TBC1D16: variants seen among roughly 807,000 people sequenced by gnomAD.
TBC1D16 encodes CTD-2529O21.1.
TBC1D16 carries 58 observed loss-of-function variants against 74.7 expected under a neutral mutation model. The ratio of observed to expected loss-of-function variants is 0.78; its 90% CI spans 0.63 to 0.97. TBC1D16 has a LOEUF of 0.97. Ranked by LOEUF, TBC1D16 falls within the 50% of genes least tolerant of loss-of-function variation. The pLI is 0.00. For missense variants in TBC1D16, 1,014 were observed against 1,079.5 expected (o/e 0.94, Z 0.85); for synonymous variants, 493 against 474.7 (o/e 1.04, Z -0.50).
At chr17:80,021,641 A>C (rs1164035576) in intron 1 of TBC1D16, among the ~76,000 whole-genome samples, 1 of 149,108 alleles carries the variant, frequency 6.7e-6, no homozygotes, top group Non-Finnish European at 1.5e-5. Flanking sequence ...CACACCATAG[A>C]TACATACATC....
In TBC1D16 at chr17:79,932,976, G is replaced by A. The variant is rs1159977155; in HGVS notation, c.*7883C>T. On this transcript the variant is annotated 3_prime_UTR_variant, in exon 12 of 12. Coordinates refer to ENST00000310924, the MANE Select transcript of TBC1D16 (RefSeq NM_019020.4). ...AGACTTATTTTCCTAGTCAGAGACT[G>A]AATGGCATATTTTCAAAGCACTTCG... is the stretch of plus-strand genomic sequence containing the variant. 1 of 152,212 alleles carries A rather than the reference G, an allele frequency of 6.6e-6. No homozygotes were observed. Among genetic ancestry groups the A allele is most frequent in the Non-Finnish European group, 1.5e-5 (1 of 68,054 alleles). 9.4% of individuals were successfully genotyped at this position (152,212 alleles called of 1,614,324 possible).
chr17:80,008,233 C>T lies in TBC1D16; in HGVS notation c.779+1927G>A, dbSNP rs553351492. Among the ~76,000 whole-genome samples, 2 of 152,146 alleles carry T rather than the reference C, an allele frequency of 1.3e-5. No homozygotes were observed. The highest frequency in any genetic ancestry group is 4.8e-5 in the African/African-American group (2 of 41,472). ...AACCGGGGTGCATTCTCACAATACC[C>T]CCAGAAAGTGGATATTACCAGCCTC... On this transcript the variant is annotated intron_variant, in intron 3 of 11. Transcript: ENST00000310924. The surrounding 1 kb of genome is among the most constrained non-coding windows in gnomAD (Gnocchi z 4.5).
rs542678106 is a variant in TBC1D16 at position 80,013,756 on chromosome 17, G to A, written c.-62-147C>T. On this transcript the variant is annotated intron_variant, in intron 1 of 11. Coordinates refer to ENST00000310924, the MANE Select transcript of TBC1D16 (RefSeq NM_019020.4). ...AACAGCTCTGTACAGGGTAGGCCAC[G>A]TTCTCCATCTTGGCCAGGCCACCCT... The A allele has an allele frequency of 8.4e-4, 399 of 474,926 alleles. 1 individual carries two copies. The highest frequency in any genetic ancestry group is 2.7e-3 in the Middle Eastern group (5 of 1,840). The allele number at this position is 474,926 out of a possible 1,614,324, so 29.4% of individuals were successfully genotyped here. A position where few individuals can be genotyped will look rare whatever the true frequency, so the allele number is the denominator to read the frequency against.
intron 4 of TBC1D16, chr17:79,952,332 C>T (rs941338477): frequency 6.0e-5 from 15 of 248,190 alleles, no homozygotes; most frequent in Admixed American, 3.1e-4. Flanking sequence ...GAGCATCCCC[C>T]GGCGATCAGA....
intron 1 of TBC1D16, among the ~76,000 whole-genome samples, chr17:80,025,054 C>T (rs2036509171): frequency 1.7e-5 from 2 of 117,700 alleles, no homozygotes; most frequent in Non-Finnish European, 1.8e-5. Flanking sequence ...CACAACCAGG[C>T]ACACACACTA....
In TBC1D16 at chr17:80,008,730, A is replaced by C. The variant is rs909626028; in HGVS notation, c.779+1430T>G. On this transcript the variant is annotated intron_variant, in intron 3 of 11. Transcript: ENST00000310924. This position sits in a 1 kb window ranked among gnomAD's most constrained non-coding sequence, Gnocchi z 4.5. ...CACCTGGAGTCCTCAGTTACGGCTC[A>C]CGGCTTCCTTTTATCTGCACTCTCC... Among the ~76,000 whole-genome samples, 26 of 152,284 alleles carry C rather than the reference A, an allele frequency of 1.7e-4. No homozygotes were observed. The highest frequency in any genetic ancestry group is 6.0e-4 in the African/African-American group (25 of 41,560).
chr17:80,024,429 T>TAAGCACACACACCACACACACCATAGAC (rs2036424697), intron 1 of TBC1D16, among the ~76,000 whole-genome samples: 1 of 110,634 alleles, frequency 9.0e-6, no homozygotes, highest in Non-Finnish European at 1.9e-5. Context: ...ACACACACAC[T>TAAGCACACACACCACACACACCATAGAC]ACACATCATA....
chr17:79,966,568 T>A (rs1422404156), intron 3 of TBC1D16, among the ~76,000 whole-genome samples: 1 of 152,138 alleles, frequency 6.6e-6, no homozygotes, highest in Non-Finnish European at 1.5e-5. Flanking sequence ...TTCCTCCAGG[T>A]TGCTTCCCTT....
chr17:79,961,464 C>G lies in TBC1D16; in HGVS notation c.780-8646G>C, dbSNP rs2033612830. ...AATTTCTTAAAAATTAAACACATGC[C>G]TGTTTCCAGTTATTCCATTCCCAAG... On this transcript the variant is annotated intron_variant, in intron 3 of 11. Transcript: ENST00000310924. This position sits in a 1 kb window ranked among gnomAD's most constrained non-coding sequence, Gnocchi z 4.8. Among the ~76,000 whole-genome samples, 2 of 152,212 alleles carry G rather than the reference C, an allele frequency of 1.3e-5. No individual in the cohort carries two copies. The highest frequency in any genetic ancestry group is 2.9e-5 in the Non-Finnish European group (2 of 68,024).
At chr17:80,030,104 C>A (rs2036724005) in intron 1 of TBC1D16, among the ~76,000 whole-genome samples, 1 of 152,150 alleles carries the variant, frequency 6.6e-6, no homozygotes, top group Admixed American at 6.6e-5. Context: ...GCTGAGCAAC[C>A]TTAATTCCAT....
chr17:79,949,676 C>T (rs2032875972), intron 7 of TBC1D16, 41 bp downstream of exon 7: 1 of 1,581,438 alleles, frequency 6.3e-7, no homozygotes, highest in Non-Finnish European at 8.6e-7. Context: ...CATTTTCCTC[C>T]GCGGCTCGGC....
chr17:80,025,120 GACACACACACACCATAGGCACACACA>G (rs2036524294), intron 1 of TBC1D16, among the ~76,000 whole-genome samples: 1 of 78,360 alleles, frequency 1.3e-5, no homozygotes. Context: ...AAACACCACA[GACACACACACACCATAGGCACACACA>G]AACACACCAG....
rs1257822791 is a variant in TBC1D16 at position 79,934,099 on chromosome 17, G to A, written c.*6760C>T. The stretch of plus-strand genomic sequence containing the variant: ...GGACAACAGAGAGCCGGGCCTGCCC[G>A]AGGCACGGCCCCTGAAAAGTGTGGC... On this transcript the variant is annotated 3_prime_UTR_variant, in exon 12 of 12. Coordinates refer to ENST00000310924, the MANE Select transcript of TBC1D16 (RefSeq NM_019020.4). 2 of 152,248 alleles carry A rather than the reference G, an allele frequency of 1.3e-5. No individual in the cohort carries two copies. The highest frequency in any genetic ancestry group is 2.9e-5 in the Non-Finnish European group (2 of 68,072). 9.4% of individuals were successfully genotyped at this position (152,248 alleles called of 1,614,324 possible).
In TBC1D16 at chr17:79,988,188, C is replaced by T. The variant is rs923127542; in HGVS notation, c.779+21972G>A. On this transcript the variant is annotated intron_variant, in intron 3 of 11. Coordinates refer to ENST00000310924, the MANE Select transcript of TBC1D16 (RefSeq NM_019020.4). This position sits in a 1 kb window ranked among gnomAD's most constrained non-coding sequence, Gnocchi z 5.7. Reference sequence around the variant, plus strand: ...TTACTAGTTTGGATGCTTCCCCTGACGCCTACCTGGGAGGTGCTTGCCTGG... The same window carrying T: ...TTACTAGTTTGGATGCTTCCCCTGATGCCTACCTGGGAGGTGCTTGCCTGG... Among the ~76,000 whole-genome samples, 3 of 152,194 alleles carry T rather than the reference C, an allele frequency of 2.0e-5. No homozygotes were observed. The highest frequency in any genetic ancestry group is 4.8e-5 in the African/African-American group (2 of 41,442).
Position 80,010,789 on chromosome 17 carries a change from G to T in TBC1D16, c.182-32C>A. On this transcript the variant is annotated intron_variant, in intron 2 of 11. Coordinates refer to ENST00000310924, the MANE Select transcript of TBC1D16 (RefSeq NM_019020.4). This position sits in a 1 kb window ranked among gnomAD's most constrained non-coding sequence, Gnocchi z 8.8. Reference sequence around the variant, plus strand: ...GGAGCCAGGGGGATGGCACGTTAGAGGCCAGGAGGCTGTGGATGAGGCCCT... The same window carrying T: ...GGAGCCAGGGGGATGGCACGTTAGATGCCAGGAGGCTGTGGATGAGGCCCT... The T allele has an allele frequency of 1.4e-6, 2 of 1,436,674 alleles. No homozygotes were observed. The highest frequency in any genetic ancestry group is 2.4e-5 in the East Asian group (1 of 41,128). 89.0% of individuals were successfully genotyped at this position (1,436,674 alleles called of 1,614,324 possible). A position where few individuals can be genotyped will look rare whatever the true frequency, so the allele number is the denominator to read the frequency against.
At chr17:79,974,696 C>T in intron 3 of TBC1D16, among the ~76,000 whole-genome samples, 1 of 152,160 alleles carries the variant, frequency 6.6e-6, no homozygotes. Flanking sequence ...AAGCACATTC[C>T]CTTATCTTCC....
Position 80,035,033 on chromosome 17 carries a change from T to C in TBC1D16, c.-63+762A>G, listed in dbSNP as rs1431053803. On this transcript the variant is annotated intron_variant, in intron 1 of 11. Transcript: ENST00000310924. The surrounding 1 kb of genome is among the most constrained non-coding windows in gnomAD (Gnocchi z 5.3). ...TTTACCATAAGGCGAGACTAACTTT[T>C]GTTATGTCTTTTCTATTCATTTCCT... Among the ~76,000 whole-genome samples, 1 of 152,214 alleles carries C rather than the reference T, an allele frequency of 6.6e-6. No individual in the cohort carries two copies. The highest frequency in any genetic ancestry group is 2.4e-5 in the African/African-American group (1 of 41,460).
chr17:80,003,198 G>A lies in TBC1D16; in HGVS notation c.779+6962C>T, dbSNP rs114185104. Among the ~76,000 whole-genome samples the A allele has an allele frequency of 5.0e-3, 766 of 152,324 alleles. 10 individuals are homozygous for A. Among genetic ancestry groups the A allele is most frequent in the African/African-American group, 0.017 (721 of 41,556 alleles). The stretch of plus-strand genomic sequence containing the variant: ...TCCTGGCCCTTGCCCACCTGTGGCC[G>A]CGCCAACCCGCTTGGACTGAGTCTG... On this transcript the variant is annotated intron_variant, in intron 3 of 11. Coordinates refer to ENST00000310924, the MANE Select transcript of TBC1D16 (RefSeq NM_019020.4).
intron 1 of TBC1D16, among the ~76,000 whole-genome samples, chr17:80,015,227 C>T (rs530807550): frequency 3.1e-4 from 47 of 152,006 alleles, no homozygotes; most frequent in East Asian, 2.5e-3. Context: ...GTCAGGAGTT[C>T]GAGACCAGCC....
Sources: gnomAD v4.1 joint callset for allele counts (sites outside exome capture counted in the v4.1 genomes callset) on GRCh38, gnomAD v4.1.1 for gene constraint, Gnocchi (gnomAD v3.1) non-coding constraint, MANE v1.5 for transcripts, NCBI Gene and HGNC (gene_info 2026-07-23, HGNC 2026-07-21) for gene names.